The following CLIC5 variants were observed in gnomAD, a reference collection of about 807,000 sequenced individuals.
CLIC5 encodes the protein CLIC family member 5, also known as chloride intracellular channel protein 5.
CLIC5 carries 20 observed loss-of-function variants against 24.7 expected under a neutral mutation model. The observed-to-expected ratio is 0.81, with a 90% CI of 0.57 to 1.18. The LOEUF is 1.18. Ranked by LOEUF, CLIC5 falls within the 50% of genes most tolerant of loss-of-function variation. CLIC5 has a pLI of 0.00. For missense variants in CLIC5, 341 were observed against 326.1 expected, an observed-to-expected ratio of 1.05 and a Z score of -0.35; for synonymous variants, 159 against 135.6, an observed-to-expected ratio of 1.17 and a Z score of -1.20.
At chr6:45,915,024 G>C (rs1762972569) in intron 4 of CLIC5, among the ~76,000 whole-genome samples, 1 of 151,780 alleles carries the variant, frequency 6.6e-6, no homozygotes, top group Non-Finnish European at 1.5e-5. Flanking sequence ...CCGACTCCCT[G>C]GTTCAAACGA....
intron 1 of CLIC5, among the ~76,000 whole-genome samples, chr6:45,992,136 A>G (rs1287400231): frequency 2.0e-5 from 3 of 152,212 alleles, no homozygotes; most frequent in Admixed American, 1.3e-4. Flanking sequence ...CTAACCTACC[A>G]TCTTCAATGG....
chr6:46,015,614 G>T lies in CLIC5; in HGVS notation c.-72C>A. 7.0e-7 allele frequency: 1 copy of T among 1,433,822 alleles called. No individual in the cohort carries two copies. Among genetic ancestry groups the T allele is most frequent in the South Asian group, 1.4e-5 (1 of 70,330 alleles). 88.8% of individuals were successfully genotyped at this position (1,433,822 alleles called of 1,614,324 possible). On this transcript the variant is annotated 5_prime_UTR_variant, in exon 1 of 6. Coordinates refer to ENST00000339561, the MANE Select transcript of CLIC5 (RefSeq NM_016929.5). The stretch of plus-strand genomic sequence containing the variant: ...TCTGCAGCACCTGGGCCAGCACTCT[G>T]CGCTCCTGCCGCTGCCCAGCGGGGC...
the CLIC5 span, among the ~76,000 whole-genome samples, chr6:46,095,757 A>G: frequency 5.6e-4 from 86 of 152,298 alleles, no homozygotes; most frequent in African/African-American, 1.9e-3. Context: ...CCGTCTTCCT[A>G]TCTTCTTCTG....
intron 1 of CLIC5, among the ~76,000 whole-genome samples, chr6:46,061,044 AAG>A (rs942980591): frequency 6.6e-6 from 1 of 152,212 alleles, no homozygotes; most frequent in Non-Finnish European, 1.5e-5. Context: ...TGACATATTA[AAG>A]AGAGACATAG....
intron 1 of CLIC5, among the ~76,000 whole-genome samples, chr6:45,980,779 A>C (rs781012599): frequency 6.6e-6 from 1 of 152,128 alleles, no homozygotes; most frequent in Non-Finnish European, 1.5e-5. Context: ...ATAGAAAAAA[A>C]TATTTTTCAA....
chr6:45,883,890 A>C (rs1343538229), intron 6 of CLIC5: 1 of 152,308 alleles, frequency 6.6e-6, no homozygotes, highest in East Asian at 1.9e-4. Context: ...AAAGATAAAG[A>C]AGCATGAGAC....
chr6:45,918,057 T>C (rs573274742), intron 4 of CLIC5, among the ~76,000 whole-genome samples: 22 of 152,268 alleles, frequency 1.4e-4, no homozygotes, highest in African/African-American at 5.3e-4. Context: ...TTTCTTCCCC[T>C]CTCCGCCTCT....
chr6:45,975,526 C>A (rs916501058), intron 1 of CLIC5, among the ~76,000 whole-genome samples: 5 of 152,080 alleles, frequency 3.3e-5, no homozygotes, highest in East Asian at 1.9e-4. Context: ...GTGCCAGGAA[C>A]CAGTGGTGCC....
At chr6:45,939,137 C>G (rs1476049675) in intron 4 of CLIC5, among the ~76,000 whole-genome samples, 1 of 151,722 alleles carries the variant, frequency 6.6e-6, no homozygotes, top group Non-Finnish European at 1.5e-5. Context: ...AGTTCCCTGG[C>G]TTGTGACAGC....
the CLIC5 span, among the ~76,000 whole-genome samples, chr6:46,121,309 G>C: frequency 1.1e-4 from 16 of 144,924 alleles, no homozygotes; most frequent in African/African-American, 2.3e-4. Context: ...TTTCAACCCA[G>C]AATTTCATAT....
chr6:45,947,450 A>AAAG (rs1764325407), intron 3 of CLIC5, among the ~76,000 whole-genome samples: 2 of 151,746 alleles, frequency 1.3e-5, no homozygotes, highest in African/African-American at 4.9e-5. Flanking sequence ...CATCACTAGC[A>AAAG]GACTAGGATT....
intron 5 of CLIC5, among the ~76,000 whole-genome samples, chr6:45,905,927 A>G (rs1027637237): frequency 6.6e-6 from 1 of 152,212 alleles, no homozygotes; most frequent in Non-Finnish European, 1.5e-5. Context: ...TCTTCTGCAT[A>G]GGGATAGTCA....
At chr6:45,998,554 G>C (rs1383947081) in intron 1 of CLIC5, among the ~76,000 whole-genome samples, 3 of 152,196 alleles carry the variant, frequency 2.0e-5, no homozygotes, top group Non-Finnish European at 4.4e-5. Flanking sequence ...TTCAGCCCCT[G>C]TGAATATTTC....
upstream of CLIC5, among the ~76,000 whole-genome samples, chr6:46,084,441 C>T (rs1174955236): frequency 2.0e-5 from 3 of 152,266 alleles, no homozygotes; most frequent in South Asian, 4.1e-4. Flanking sequence ...TTAGTGCTTC[C>T]TTCAGGAGCT....
At chr6:46,039,117 T>C (rs553015797) in intron 1 of CLIC5, among the ~76,000 whole-genome samples, 294 of 152,288 alleles carry the variant, frequency 1.9e-3, no homozygotes, top group African/African-American at 6.9e-3. Flanking sequence ...ATTCTGAAGA[T>C]AACAAAACTC....
chr6:45,908,759 T>A (rs1354985297), intron 5 of CLIC5, among the ~76,000 whole-genome samples: 1 of 152,190 alleles, frequency 6.6e-6, no homozygotes, highest in Admixed American at 6.5e-5. Flanking sequence ...GGTCAATGGG[T>A]GGAGTATTCA....
chr6:45,971,347 C>T (rs934656404), intron 1 of CLIC5, among the ~76,000 whole-genome samples: 2 of 152,084 alleles, frequency 1.3e-5, no homozygotes, highest in Non-Finnish European at 2.9e-5. Context: ...TTTGAAGGTG[C>T]CGAACAGGGT....
At chr6:45,934,510 G>A (rs1274530983) in intron 4 of CLIC5, among the ~76,000 whole-genome samples, 3 of 152,148 alleles carry the variant, frequency 2.0e-5, no homozygotes, top group East Asian at 1.9e-4. Flanking sequence ...AGTGCAGGTC[G>A]CCTGGGAGGC....
intron 6 of CLIC5, among the ~76,000 whole-genome samples, chr6:45,891,746 A>G (rs1288301695): frequency 6.6e-6 from 1 of 152,154 alleles, no homozygotes; most frequent in African/African-American, 2.4e-5. Flanking sequence ...AGCTCTGGGA[A>G]GGGGATGAGA....
Sources: allele counts gnomAD v4.1 joint callset (sites outside exome capture counted in the v4.1 genomes callset), GRCh38; gene constraint gnomAD v4.1.1; transcripts MANE v1.5; gene names NCBI Gene and HGNC (gene_info 2026-07-23, HGNC 2026-07-21).